The following NEDD4 variants were observed in gnomAD, a reference collection of about 807,000 sequenced individuals.
NEDD4 encodes the protein NEDD4 E3 ubiquitin protein ligase.
In NEDD4, 99 loss-of-function variants were observed where a neutral mutation model predicts 144.9. That is an observed-to-expected ratio of 0.68 (90% confidence interval 0.58 to 0.81). NEDD4 has a LOEUF of 0.81. NEDD4 is among the 30% of genes least tolerant of loss of function. The probability of loss-of-function intolerance (pLI) is 0.00; values close to 1 mark genes in which losing one functional copy is unlikely to be tolerated. For missense variants in NEDD4, 985 were observed against 1,065.9 expected (o/e 0.92, Z 1.06); for synonymous variants, 318 against 350.6 (o/e 0.91, Z 1.04).
chr15:55,899,070 C>T (rs1245505768), intron 5 of NEDD4, among the ~76,000 whole-genome samples: 7 of 152,166 alleles, frequency 4.6e-5, no homozygotes, highest in African/African-American at 1.7e-4. Flanking sequence ...CTTCTCAGTA[C>T]AATAAACACA....
intron 5 of NEDD4, among the ~76,000 whole-genome samples, chr15:55,910,114 T>C (rs2036224298): frequency 6.6e-6 from 1 of 152,208 alleles, no homozygotes; most frequent in African/African-American, 2.4e-5. Context: ...ACTCTCCCTG[T>C]AGAGAGGGAG....
rs2036654470 is a variant in NEDD4, at chr15:55,925,957, ACAG to A, written c.238-1261_238-1259del. On this transcript the variant is annotated intron_variant, in intron 4 of 28. Coordinates refer to ENST00000435532, the MANE Select transcript of NEDD4 (RefSeq NM_006154.4). ...TTTTTACATATACATACTGTATCAT[ACAG>A]TATGTATATGTAAAAATACATATAC... 2.0e-5 allele frequency among the ~76,000 whole-genome samples: 3 copies of A among 151,984 alleles called. No homozygotes were observed. The South Asian group carries it at 6.2e-4, about 31-fold the overall frequency.
chr15:55,928,859 A>G (rs1008718107), intron 4 of NEDD4, among the ~76,000 whole-genome samples: 2 of 152,270 alleles, frequency 1.3e-5, no homozygotes, highest in Non-Finnish European at 1.5e-5. Flanking sequence ...TGTATTTCAG[A>G]AGCATATAAT....
chr15:55,939,364 A>T (rs72734323), intron 4 of NEDD4, among the ~76,000 whole-genome samples: 2 of 152,042 alleles, frequency 1.3e-5, no homozygotes, highest in Non-Finnish European at 2.9e-5. Flanking sequence ...CTTGTGGAGA[A>T]GGTGCCCGCT....
intron 4 of NEDD4, among the ~76,000 whole-genome samples, chr15:55,939,974 T>C (rs569974613): frequency 7.9e-5 from 12 of 152,240 alleles, no homozygotes; most frequent in Non-Finnish European, 1.3e-4. Context: ...TAAATACCCA[T>C]TGAAGGATAC....
At chr15:55,870,742 C>G (rs993717453) in intron 7 of NEDD4, among the ~76,000 whole-genome samples, 5 of 151,928 alleles carry the variant, frequency 3.3e-5, no homozygotes, top group Admixed American at 2.6e-4. Context: ...GCCATGTTGC[C>G]CAGGCTGGTC....
chr15:55,893,314 C>T (rs2035631002), intron 5 of NEDD4, among the ~76,000 whole-genome samples: 1 of 151,558 alleles, frequency 6.6e-6, no homozygotes, highest in South Asian at 2.1e-4. Flanking sequence ...ATTCTAAAGA[C>T]AAGAATTGGG....
intron 4 of NEDD4, among the ~76,000 whole-genome samples, chr15:55,939,538 C>T (rs1302955700): frequency 6.6e-6 from 1 of 152,104 alleles, no homozygotes; most frequent in Non-Finnish European, 1.5e-5. Flanking sequence ...AAAAATGAAC[C>T]AAGGACTTCA....
intron 1 of NEDD4, among the ~76,000 whole-genome samples, chr15:55,968,714 A>G (rs2037558348): frequency 1.3e-5 from 2 of 152,172 alleles, no homozygotes; most frequent in South Asian, 2.1e-4. Flanking sequence ...TTCTAAAGAG[A>G]TGTTTGACAT....
At chr15:55,872,716 G>C (rs1237687146) in intron 6 of NEDD4, among the ~76,000 whole-genome samples, 1 of 152,138 alleles carries the variant, frequency 6.6e-6, no homozygotes, top group African/African-American at 2.4e-5. Flanking sequence ...GAGCCAAAGG[G>C]AGGGCAGAAG....
intron 5 of NEDD4, among the ~76,000 whole-genome samples, chr15:55,890,786 C>A (rs762349443): frequency 3.3e-5 from 5 of 152,186 alleles, no homozygotes; most frequent in Non-Finnish European, 5.9e-5. Flanking sequence ...GATTTCAATT[C>A]CTCCCCTTTC....
intron 5 of NEDD4, among the ~76,000 whole-genome samples, chr15:55,877,263 T>A (rs751876183): frequency 6.6e-6 from 1 of 152,258 alleles, no homozygotes; most frequent in Non-Finnish European, 1.5e-5. Context: ...TTTCTTTAAA[T>A]CTGGAAAGTA....
At chr15:55,935,967 C>G (rs1195910007) in intron 4 of NEDD4, among the ~76,000 whole-genome samples, 1 of 151,612 alleles carries the variant, frequency 6.6e-6, no homozygotes, top group Non-Finnish European at 1.5e-5. Flanking sequence ...CAAGAGAATC[C>G]CAGAGAAGCT....
chr15:55,941,416 T>C (rs1318433904), intron 4 of NEDD4, among the ~76,000 whole-genome samples: 1 of 152,182 alleles, frequency 6.6e-6, no homozygotes, highest in East Asian at 1.9e-4. Context: ...TCAGTAAAAA[T>C]GCTTGTTAAT....
chr15:55,974,576 C>T (rs2037667236), intron 1 of NEDD4, among the ~76,000 whole-genome samples: 1 of 151,978 alleles, frequency 6.6e-6, no homozygotes, highest in Non-Finnish European at 1.5e-5. Flanking sequence ...TCATCGTGAC[C>T]AAGTGGGATT....
At chr15:55,837,291 G>A (rs903703778) in intron 24 of NEDD4, among the ~76,000 whole-genome samples, 2 of 151,922 alleles carry the variant, frequency 1.3e-5, no homozygotes, top group African/African-American at 4.8e-5. Flanking sequence ...TTAGCCAGGC[G>A]TGGTGGCGGG....
chr15:55,977,114 C>A (rs1256010059), intron 1 of NEDD4, among the ~76,000 whole-genome samples: 1 of 152,132 alleles, frequency 6.6e-6, no homozygotes, highest in South Asian at 2.1e-4. Context: ...AACCTTCTTT[C>A]TTCTAAAGAC....
At chr15:55,905,950 T>C (rs1320546120) in intron 5 of NEDD4, among the ~76,000 whole-genome samples, 1 of 152,168 alleles carries the variant, frequency 6.6e-6, no homozygotes, top group Non-Finnish European at 1.5e-5. Context: ...TCCTTGCCCA[T>C]GCCATCAACA....
intron 8 of NEDD4, among the ~76,000 whole-genome samples, chr15:55,863,803 T>C (rs1166233375): frequency 3.3e-5 from 5 of 152,198 alleles, no homozygotes; most frequent in African/African-American, 1.2e-4. Context: ...AATCAATAAC[T>C]ATCTGACACA....
Sources: gnomAD v4.1 joint callset for allele counts (sites outside exome capture counted in the v4.1 genomes callset) on GRCh38, gnomAD v4.1.1 for gene constraint, MANE v1.5 for transcripts, NCBI Gene and HGNC (gene_info 2026-07-23, HGNC 2026-07-21) for gene names.